Variants in AFAP1L2 observed in about 807,000 individuals in gnomAD.
AFAP1L2 encodes the protein actin filament associated protein 1 like 2.
Under a neutral mutation model 99.3 loss-of-function variants are expected in AFAP1L2, and 46 were observed. That is an observed-to-expected ratio of 0.46 (90% confidence interval 0.37 to 0.59). The LOEUF is 0.59. AFAP1L2 is among the 20% of genes least tolerant of loss of function. The pLI is 0.00. For synonymous variants in AFAP1L2, 397 were observed against 419.1 expected (o/e 0.95, Z 0.64); for missense variants, 959 against 1,034.9 (o/e 0.93, Z 1.01).
chr10:114,328,367 C>A (rs1408078705), intron 4 of AFAP1L2, among the ~76,000 whole-genome samples: 1 of 152,238 alleles, frequency 6.6e-6, no homozygotes, highest in Non-Finnish European at 1.5e-5. Flanking sequence ...GCAGGTGCTG[C>A]TGCAGGTGCC....
At chr10:114,337,686 A>C (rs1467500833) in intron 2 of AFAP1L2, among the ~76,000 whole-genome samples, 1 of 152,184 alleles carries the variant, frequency 6.6e-6, no homozygotes, top group African/African-American at 2.4e-5. Context: ...GGTTAATTCA[A>C]AAAAGAGACC....
downstream of AFAP1L2, among the ~76,000 whole-genome samples, chr10:114,294,543 C>A (rs1052903628): frequency 2.6e-5 from 4 of 152,020 alleles, no homozygotes; most frequent in African/African-American, 9.7e-5. Flanking sequence ...TTTCTTTTTT[C>A]CCAAGAATTC....
intron 1 of AFAP1L2, among the ~76,000 whole-genome samples, chr10:114,356,594 G>A (rs1030192021): frequency 2.0e-5 from 3 of 151,964 alleles, no homozygotes; most frequent in Non-Finnish European, 4.4e-5. Context: ...TATTTCTATT[G>A]GATAGTACTG....
the AFAP1L2 span, chr10:114,285,804 G>A: frequency 2.7e-5 from 25 of 934,892 alleles, no homozygotes; most frequent in East Asian, 5.1e-4. Flanking sequence ...TGACGAGCAC[G>A]GGTCACTTAA....
intron 7 of AFAP1L2, among the ~76,000 whole-genome samples, chr10:114,311,450 G>A (rs1418728620): frequency 1.3e-5 from 2 of 152,210 alleles, no homozygotes; most frequent in Non-Finnish European, 2.9e-5. Flanking sequence ...ACTCCAGTTC[G>A]GGACTGTGGT....
At chr10:114,282,065 A>C in the AFAP1L2 span, among the ~76,000 whole-genome samples, 1 of 123,786 alleles carries the variant, frequency 8.1e-6, no homozygotes, top group East Asian at 2.8e-4. Flanking sequence ...GCTGGAGTGC[A>C]GTTGTGCAAT....
At chr10:114,326,048 C>T (rs773857717) in intron 4 of AFAP1L2, 11 of 1,287,974 alleles carry the variant, frequency 8.5e-6, no homozygotes, top group Middle Eastern at 2.1e-4. Flanking sequence ...TCTCTAGAGT[C>T]GAACAGGACA....
At chr10:114,395,618 A>G (rs2057620093) in intron 1 of AFAP1L2, among the ~76,000 whole-genome samples, 1 of 152,068 alleles carries the variant, frequency 6.6e-6, no homozygotes, top group African/African-American at 2.4e-5. Flanking sequence ...ACTGGGGGAG[A>G]AAAAAACGGG....
At chr10:114,311,825 C>T (rs2043287755) in intron 7 of AFAP1L2, among the ~76,000 whole-genome samples, 1 of 152,232 alleles carries the variant, frequency 6.6e-6, no homozygotes, top group African/African-American at 2.4e-5. Flanking sequence ...ATATACCTGT[C>T]TCACCCTGGG....
chr10:114,282,095 T>C, the AFAP1L2 span, among the ~76,000 whole-genome samples: 106,634 of 149,778 alleles, frequency 0.71, 38,097 homozygotes, highest in East Asian at 0.8. Context: ...CCGCAACCTC[T>C]GCCTCCTGGG....
intron 1 of AFAP1L2, among the ~76,000 whole-genome samples, chr10:114,371,805 A>G (rs1287502354): frequency 6.7e-6 from 1 of 148,938 alleles, no homozygotes; most frequent in African/African-American, 2.5e-5. Context: ...GACTTAAAGT[A>G]CAATTATAAA....
chr10:114,292,169 C>T (rs1378739023), downstream of AFAP1L2, among the ~76,000 whole-genome samples: 4 of 151,772 alleles, frequency 2.6e-5, no homozygotes, highest in Non-Finnish European at 5.9e-5. Flanking sequence ...CCCAGCTACT[C>T]GGGAGGCTGA....
At chr10:114,338,051 C>G (rs2048249784) in intron 2 of AFAP1L2, among the ~76,000 whole-genome samples, 1 of 152,224 alleles carries the variant, frequency 6.6e-6, no homozygotes, top group Non-Finnish European at 1.5e-5. Context: ...AAGAAAACAC[C>G]TCTGATGAGA....
intron 1 of AFAP1L2, among the ~76,000 whole-genome samples, chr10:114,375,871 G>A (rs1305043141): frequency 6.6e-6 from 1 of 152,048 alleles, no homozygotes; most frequent in African/African-American, 2.4e-5. Context: ...GAGGCAGAAG[G>A]ATCACTTGAG....
At chr10:114,289,180 G>C in the AFAP1L2 span, 1 of 1,613,690 alleles carries the variant, frequency 6.2e-7, no homozygotes, top group East Asian at 2.2e-5. Flanking sequence ...CCCCTACCTA[G>C]GTGGGGTGGG....
intron 12 of AFAP1L2, chr10:114,301,929 C>T (rs945537610): frequency 3.6e-5 from 9 of 252,216 alleles, no homozygotes; most frequent in Non-Finnish European, 7.0e-5. Context: ...GACCAGAGAA[C>T]GCCCTCTCCC....
chr10:114,351,116 G>A (rs560921853), intron 1 of AFAP1L2, among the ~76,000 whole-genome samples: 4 of 152,236 alleles, frequency 2.6e-5, no homozygotes, highest in African/African-American at 7.2e-5. Flanking sequence ...GGGGTCACTC[G>A]AGTTCACATT....
chr10:114,332,142 TG>T (rs1203377727), intron 3 of AFAP1L2, among the ~76,000 whole-genome samples: 8 of 151,940 alleles, frequency 5.3e-5, no homozygotes, highest in Middle Eastern at 3.2e-3. Context: ...ACCCATCCCA[TG>T]TCAAAAAAAA....
rs1488854262 is a variant in AFAP1L2 at position 114,295,176 on chromosome 10, A to ATAT, written c.*863_*865dup. 7.1e-6 allele frequency: 7 copies of ATAT among 985,654 alleles called. No individual in the cohort carries two copies. Among genetic ancestry groups the ATAT allele is most frequent in the Non-Finnish European group, 8.4e-6 (7 of 829,832 alleles). The allele number at this position is 985,654 out of a possible 1,614,324, so 61.1% of individuals were successfully genotyped here. ...CAGAACTTAAAATCAGAGACTATTT[A>ATAT]TATTAAATAACTCTTCCCTTAAAAA... On this transcript the variant is annotated 3_prime_UTR_variant, in exon 19 of 19. Coordinates refer to ENST00000304129, the MANE Select transcript of AFAP1L2 (RefSeq NM_001001936.3).
Sources: allele counts gnomAD v4.1 joint callset (sites outside exome capture counted in the v4.1 genomes callset), GRCh38; gene constraint gnomAD v4.1.1; transcripts MANE v1.5; gene names NCBI Gene and HGNC (gene_info 2026-07-23, HGNC 2026-07-21).